The following TLE4 variants were observed in gnomAD, a reference collection of about 807,000 sequenced individuals.
TLE4 encodes TLE family member 4, transcriptional corepressor.
TLE4 carries 8 observed loss-of-function variants against 92.8 expected under a neutral mutation model. That is an observed-to-expected ratio of 0.09 (90% CI 0.05 to 0.16). The LOEUF (loss-of-function observed/expected upper bound fraction) is 0.16. TLE4 is among the 10% of genes least tolerant of loss of function. The pLI, the probability that TLE4 is intolerant of heterozygous loss-of-function variation, is 1.00. For synonymous variants in TLE4, 371 were observed against 374.1 expected (o/e 0.99, Z 0.10); for missense variants, 675 against 997.6 (o/e 0.68, Z 4.36).
chr9:79,705,019 C>T, intron 9 of TLE4, 117 bp downstream of exon 9: 1 of 1,421,054 alleles, frequency 7.0e-7, no homozygotes. Flanking sequence ...CTTTAGGAGA[C>T]AAAAAACATT....
At chr9:79,651,031 A>ATCTCTCTC (rs10580766) in intron 6 of TLE4, among the ~76,000 whole-genome samples, 2,173 of 138,746 alleles carry the variant, frequency 0.016, 48 homozygotes, top group African/African-American at 0.032. Flanking sequence ...GGAATGATCG[A>ATCTCTCTC]TCTCTCTCTC....
At position 79,583,514 on chromosome 9, in the gene TLE4, G is replaced by T. The variant is rs183863996; in HGVS notation, c.252+7337G>T. Among the ~76,000 whole-genome samples, 1,040 of 152,336 alleles carry T rather than the reference G, an allele frequency of 6.8e-3. 5 individuals are homozygous for T. Among genetic ancestry groups the T allele is most frequent in the Non-Finnish European group, 0.011 (715 of 68,028 alleles). On this transcript the variant is annotated intron_variant, in intron 4 of 19. Coordinates refer to ENST00000376552, the MANE Select transcript of TLE4 (RefSeq NM_007005.6). Reference sequence around the variant, plus strand: ...ATCCCCAACCTGGGCTGGCTGTGGTGTGCTTGGGACCTCTGCAGGGCCCTG... The same window carrying T: ...ATCCCCAACCTGGGCTGGCTGTGGTTTGCTTGGGACCTCTGCAGGGCCCTG...
At chr9:79,632,073 G>T (rs1438990720) in intron 6 of TLE4, among the ~76,000 whole-genome samples, 1 of 152,096 alleles carries the variant, frequency 6.6e-6, no homozygotes, top group Non-Finnish European at 1.5e-5. Context: ...GTGTCCCACA[G>T]CCTGACAGCA....
intron 6 of TLE4, among the ~76,000 whole-genome samples, chr9:79,632,044 G>A (rs2133703107): frequency 6.6e-6 from 1 of 152,182 alleles, no homozygotes; most frequent in Non-Finnish European, 1.5e-5. Flanking sequence ...TTTCTCTCTA[G>A]CCCTTGCCAC....
At chr9:79,612,884 A>G (rs1564380163) in intron 5 of TLE4, among the ~76,000 whole-genome samples, 166 bp downstream of exon 5, 1 of 152,140 alleles carries the variant, frequency 6.6e-6, no homozygotes, top group Non-Finnish European at 1.5e-5. Context: ...TACCTTAGTA[A>G]CTTTCTGTGG....
intron 8 of TLE4, among the ~76,000 whole-genome samples, chr9:79,690,832 C>T (rs1422695375): frequency 1.7e-5 from 2 of 117,688 alleles, no homozygotes; most frequent in Admixed American, 1.2e-4. Context: ...GACAGGGTTT[C>T]GCCATGCTGC....
rs954423352 is a variant in TLE4 at position 79,642,466 on chromosome 9, A to C, written c.391-10127A>C. Among the ~76,000 whole-genome samples the C allele has an allele frequency of 4.0e-5, 6 of 151,850 alleles. No homozygotes were observed. The South Asian group carries it at 6.2e-4, about 16-fold the overall frequency. The stretch of plus-strand genomic sequence containing the variant: ...TAAAGTACTCTGAAGTAACTAAAGA[A>C]AGCTTTTCTGAGTACATTCCCTTAG... On this transcript the variant is annotated intron_variant, in intron 6 of 19. Coordinates refer to ENST00000376552, the MANE Select transcript of TLE4 (RefSeq NM_007005.6).
intron 8 of TLE4, chr9:79,671,343 G>A (rs1564797417): frequency 1.3e-5 from 6 of 448,106 alleles, no homozygotes; most frequent in Non-Finnish European, 2.7e-5. Context: ...CTACTGGTAG[G>A]AAAAGCTAAT....
At chr9:79,577,387 C>T (rs2038174144) in intron 4 of TLE4, among the ~76,000 whole-genome samples, 6 of 152,096 alleles carry the variant, frequency 3.9e-5, no homozygotes, top group Admixed American at 3.9e-4. Flanking sequence ...ACATTGAGGA[C>T]TTTTAATTTC....
At chr9:79,655,025 C>G (rs1197743020) in intron 8 of TLE4, among the ~76,000 whole-genome samples, 1 of 152,110 alleles carries the variant, frequency 6.6e-6, no homozygotes, top group East Asian at 1.9e-4. Context: ...GCCTGTAGCC[C>G]CAGCTACTCA....
At chr9:79,590,064 C>T (rs1339942290) in intron 4 of TLE4, among the ~76,000 whole-genome samples, 1 of 152,152 alleles carries the variant, frequency 6.6e-6, no homozygotes, top group Non-Finnish European at 1.5e-5. Flanking sequence ...TTTCACTATG[C>T]TGCGCTATGA....
At chr9:79,598,298 A>AG (rs2044618758) in intron 4 of TLE4, among the ~76,000 whole-genome samples, 4 of 151,792 alleles carry the variant, frequency 2.6e-5, no homozygotes, top group Admixed American at 2.0e-4. Context: ...GTAATGCAAT[A>AG]GCCTCCTAAC....
intron 10 of TLE4, 148 bp from the exon 11 acceptor site, chr9:79,706,599 T>C (rs1225747371): frequency 4.1e-6 from 4 of 985,920 alleles, no homozygotes; most frequent in Admixed American, 2.9e-5. Context: ...TTTTCGTTAG[T>C]AGTTTCAGTG....
At chr9:79,580,199 C>G (rs915877039) in intron 4 of TLE4, 4 of 152,158 alleles carry the variant, frequency 2.6e-5, no homozygotes, top group Admixed American at 6.5e-5. Context: ...TTACCATGCT[C>G]GACAGCAAAT....
At chr9:79,643,511 C>T (rs1012031183) in intron 6 of TLE4, among the ~76,000 whole-genome samples, 3 of 152,190 alleles carry the variant, frequency 2.0e-5, no homozygotes, top group Non-Finnish European at 4.4e-5. Context: ...TTTTACTCTT[C>T]TTTAAATCAC....
Position 79,713,059 on chromosome 9 carries a change from A to T in TLE4, c.1340+3360A>T, listed in dbSNP as rs7031701. On this transcript the variant is annotated intron_variant, in intron 14 of 19. Transcript: ENST00000376552. ...CACTGGTCTGTATGCTACTTAGAAC[A>T]GAATTTTCTATCGTATTTCAATGTA... Among the ~76,000 whole-genome samples the T allele has an allele frequency of 7.2e-5, 11 of 152,262 alleles. No homozygotes were observed. In the South Asian group the frequency reaches 2.3e-3, roughly 32 times the overall value.
intron 4 of TLE4, among the ~76,000 whole-genome samples, chr9:79,586,161 A>G (rs2041033967): frequency 1.3e-5 from 2 of 152,128 alleles, no homozygotes; most frequent in African/African-American, 4.8e-5. Context: ...TCATGAGGTC[A>G]GGAGATCGAG....
chr9:79,718,584 C>T, intron 14 of TLE4, 138 bp from the exon 15 acceptor site: 2 of 1,287,048 alleles, frequency 1.6e-6, no homozygotes, highest in Non-Finnish European at 2.1e-6. Flanking sequence ...ATGTTCTTTA[C>T]ACTGTATGGA....
chr9:79,704,636 C>A, intron 8 of TLE4, 147 bp from the exon 9 acceptor site: 1 of 1,012,486 alleles, frequency 9.9e-7, no homozygotes, highest in Non-Finnish European at 1.4e-6. Flanking sequence ...TTCCTTTCGT[C>A]TCCTCCGCTT....
Sources: gnomAD v4.1 joint callset for allele counts (sites outside exome capture counted in the v4.1 genomes callset) on GRCh38, gnomAD v4.1.1 for gene constraint, MANE v1.5 for transcripts, NCBI Gene and HGNC (gene_info 2026-07-23, HGNC 2026-07-21) for gene names.